TACR1: variants seen among roughly 807,000 people sequenced by gnomAD.
TACR1 encodes tachykinin receptor 1.
Under a neutral mutation model 35.8 loss-of-function variants are expected in TACR1, and 25 were observed. That is an observed-to-expected ratio of 0.70 (90% confidence interval 0.51 to 0.98). The LOEUF (loss-of-function observed/expected upper bound fraction) is 0.98, where lower values mean the gene tolerates loss of function less well. TACR1 is among the 50% of genes least tolerant of loss of function. The pLI is 0.00. For missense variants in TACR1, 478 were observed against 522.9 expected, an observed-to-expected ratio of 0.91 and a Z score of 0.84; for synonymous variants, 195 against 206.7, an observed-to-expected ratio of 0.94 and a Z score of 0.48.
intron 1 of TACR1, among the ~76,000 whole-genome samples, chr2:75,172,350 A>C (rs375472782): frequency 6.5e-4 from 99 of 152,214 alleles, no homozygotes; most frequent in African/African-American, 2.3e-3. Context: ...TGCTGAACTG[A>C]GGTGGAAATT....
chr2:75,146,419 G>A (rs575297130), intron 1 of TACR1, among the ~76,000 whole-genome samples: 71 of 152,282 alleles, frequency 4.7e-4, no homozygotes, highest in African/African-American at 1.7e-3. Flanking sequence ...CACCATGCCC[G>A]GCCAGCAGCA....
intron 1 of TACR1, chr2:75,154,388 A>C (rs1674752992): frequency 1.5e-5 from 2 of 133,922 alleles, no homozygotes; most frequent in Admixed American, 7.3e-5. Flanking sequence ...GCCCAGGGAG[A>C]TAATCAGCCA....
intron 1 of TACR1, among the ~76,000 whole-genome samples, chr2:75,153,110 C>T (rs914586774): frequency 6.6e-6 from 1 of 152,152 alleles, no homozygotes; most frequent in Non-Finnish European, 1.5e-5. Context: ...ACTATATTGG[C>T]CAGGCTAGTC....
At chr2:75,090,935 C>T (rs1164820825) in intron 2 of TACR1, 1 of 153,134 alleles carries the variant, frequency 6.5e-6, no homozygotes, top group Non-Finnish European at 1.5e-5. Flanking sequence ...TCAGACTGGT[C>T]TGTTCTTAGT....
chr2:75,162,876 G>A (rs561525001), intron 1 of TACR1, among the ~76,000 whole-genome samples: 1 of 152,292 alleles, frequency 6.6e-6, no homozygotes, highest in East Asian at 1.9e-4. Flanking sequence ...CTATACTTGA[G>A]TATGAAGAAC....
chr2:75,048,624 A>G lies in TACR1; in HGVS notation c.*808T>C, dbSNP rs181809140. Reference sequence around the variant, plus strand: ...AAACAAAAAACTCATACAATCCTTGAACCACGGGATGTTAAGATTCGAAGG... The same window carrying G: ...AAACAAAAAACTCATACAATCCTTGGACCACGGGATGTTAAGATTCGAAGG... On this transcript the variant is annotated 3_prime_UTR_variant, in exon 5 of 5. Transcript: ENST00000305249. 12 of 152,178 alleles carry G rather than the reference A, an allele frequency of 7.9e-5. No individual in the cohort carries two copies. The highest frequency in any genetic ancestry group is 2.9e-4 in the African/African-American group (12 of 41,508). The allele number at this position is 152,178 out of a possible 1,614,324, so 9.4% of individuals were successfully genotyped here. A position where few individuals can be genotyped will look rare whatever the true frequency, so the allele number is the denominator to read the frequency against.
chr2:75,060,053 A>C (rs1373171878), intron 2 of TACR1, among the ~76,000 whole-genome samples: 3 of 152,234 alleles, frequency 2.0e-5, no homozygotes, highest in Non-Finnish European at 4.4e-5. Context: ...GTTAATCGAT[A>C]AATTCAGCAA....
chr2:75,056,125 T>C (rs1358192319), intron 2 of TACR1, among the ~76,000 whole-genome samples: 2 of 152,206 alleles, frequency 1.3e-5, no homozygotes, highest in Non-Finnish European at 2.9e-5. Flanking sequence ...TGCAAGTCTA[T>C]TGGGACTCCA....
chr2:75,158,971 G>C (rs1434301445), intron 1 of TACR1, among the ~76,000 whole-genome samples: 1 of 152,080 alleles, frequency 6.6e-6, no homozygotes, highest in Non-Finnish European at 1.5e-5. Context: ...GAAGACTGTT[G>C]TGTTAAGTGC....
chr2:75,151,358 G>A (rs1025067770), intron 1 of TACR1, among the ~76,000 whole-genome samples: 1 of 152,200 alleles, frequency 6.6e-6, no homozygotes, highest in Admixed American at 6.5e-5. Flanking sequence ...CAGGGTCCCT[G>A]TGCTGTGTGT....
rs146558421 is a variant in TACR1 at position 75,131,065 on chromosome 2, A to T, written c.390-10297T>A. 1.1e-4 allele frequency among the ~76,000 whole-genome samples: 17 copies of T among 152,280 alleles called. No homozygotes were observed. The East Asian group carries it at 3.3e-3, about 29-fold the overall frequency. On this transcript the variant is annotated intron_variant, in intron 1 of 4. Coordinates refer to ENST00000305249, the MANE Select transcript of TACR1 (RefSeq NM_001058.4). Reference sequence around the variant, plus strand: ...CATCAGAGTTTTCAAATAGAAAATCAGTTAATATCAATAATGAGCCAATTT... The same window carrying T: ...CATCAGAGTTTTCAAATAGAAAATCTGTTAATATCAATAATGAGCCAATTT...
At chr2:75,140,263 TA>T (rs1434411552) in intron 1 of TACR1, among the ~76,000 whole-genome samples, 1 of 152,098 alleles carries the variant, frequency 6.6e-6, no homozygotes, top group African/African-American at 2.4e-5. Context: ...CCACTCAAGT[TA>T]ATTCAGAAAG....
intron 2 of TACR1, among the ~76,000 whole-genome samples, chr2:75,116,006 C>T (rs1173013910): frequency 6.6e-6 from 1 of 150,730 alleles, no homozygotes; most frequent in Non-Finnish European, 1.5e-5. Flanking sequence ...TAACAGTGTG[C>T]ATAATAGGCT....
intron 2 of TACR1, among the ~76,000 whole-genome samples, chr2:75,070,423 G>A (rs772569095): frequency 8.5e-5 from 13 of 152,262 alleles, no homozygotes; most frequent in African/African-American, 3.1e-4. Context: ...ACAGAGCCTT[G>A]TTAACTTTTC....
chr2:75,167,880 A>T (rs907060718), intron 1 of TACR1, among the ~76,000 whole-genome samples: 1 of 152,180 alleles, frequency 6.6e-6, no homozygotes, highest in East Asian at 1.9e-4. Context: ...AAATAGAAAA[A>T]TGATACCATT....
At chr2:75,162,405 G>T (rs1349360248) in intron 1 of TACR1, among the ~76,000 whole-genome samples, 1 of 152,198 alleles carries the variant, frequency 6.6e-6, no homozygotes, top group African/African-American at 2.4e-5. Flanking sequence ...CTAGCCAATG[G>T]CCAATGGTTC....
At chr2:75,110,080 A>C (rs1448643163) in intron 2 of TACR1, among the ~76,000 whole-genome samples, 1 of 152,194 alleles carries the variant, frequency 6.6e-6, no homozygotes, top group East Asian at 1.9e-4. Flanking sequence ...ATACGAAATG[A>C]AGCATTACAA....
chr2:75,178,767 C>T (rs1468629853), intron 1 of TACR1, among the ~76,000 whole-genome samples: 3 of 152,092 alleles, frequency 2.0e-5, no homozygotes, highest in Non-Finnish European at 4.4e-5. Context: ...TCCTTCTTCC[C>T]GAAATGCTTT....
At chr2:75,184,057 C>T (rs914180418) in intron 1 of TACR1, among the ~76,000 whole-genome samples, 22 of 152,096 alleles carry the variant, frequency 1.4e-4, no homozygotes, top group Non-Finnish European at 1.2e-4. Flanking sequence ...AAAATTAAAG[C>T]TTATGTAAGT....
Sources: allele counts gnomAD v4.1 joint callset (sites outside exome capture counted in the v4.1 genomes callset), GRCh38; gene constraint gnomAD v4.1.1; transcripts MANE v1.5; gene names NCBI Gene and HGNC (gene_info 2026-07-23, HGNC 2026-07-21).